Variants in ZDHHC20 observed in about 807,000 individuals in gnomAD.
ZDHHC20 encodes the protein palmitoyltransferase ZDHHC20.
A neutral mutation model predicts 57.8 loss-of-function variants in ZDHHC20; 43 were observed. The ratio of observed to expected loss-of-function variants is 0.74; its 90% CI spans 0.58 to 0.96. The LOEUF is 0.96. Among genes scored for constraint, ZDHHC20 ranks in the 40% least tolerant of loss-of-function variants. The probability of loss-of-function intolerance (pLI) is 0.00; values close to 1 mark genes in which losing one functional copy is unlikely to be tolerated. For missense variants in ZDHHC20, 391 were observed against 441.1 expected (o/e 0.89, Z 1.02); for synonymous variants, 157 against 153.0 (o/e 1.03, Z -0.19).
intron 3 of ZDHHC20, 65 bp from the exon 4 acceptor site, chr13:21,413,837 A>G (rs1879562040): frequency 1.4e-6 from 2 of 1,420,598 alleles, no homozygotes; most frequent in Non-Finnish European, 9.5e-7. Context: ...ATGCTCAGAA[A>G]AAGTTTTATC....
chr13:21,409,580 C>T (rs1016188493), intron 4 of ZDHHC20, among the ~76,000 whole-genome samples: 5 of 151,830 alleles, frequency 3.3e-5, no homozygotes, highest in African/African-American at 1.2e-4. Context: ...AGGCTCTGTT[C>T]GTTCCTTTTC....
intron 8 of ZDHHC20, among the ~76,000 whole-genome samples, chr13:21,389,749 C>G (rs1170471146): frequency 6.6e-6 from 1 of 152,146 alleles, no homozygotes; most frequent in Non-Finnish European, 1.5e-5. Context: ...CAGTCCACCA[C>G]TGCTTAGCTC....
At chr13:21,411,506 A>G (rs1331224243) in intron 4 of ZDHHC20, among the ~76,000 whole-genome samples, 1 of 152,226 alleles carries the variant, frequency 6.6e-6, no homozygotes, top group Non-Finnish European at 1.5e-5. Flanking sequence ...CATCTGTTGA[A>G]GGTTGTATGG....
intron 1 of ZDHHC20, among the ~76,000 whole-genome samples, chr13:21,439,536 A>G (rs1039189077): frequency 2.0e-5 from 3 of 152,088 alleles, no homozygotes; most frequent in African/African-American, 7.2e-5. Flanking sequence ...AAAACAAAAC[A>G]AAGTAAAACA....
chr13:21,434,852 T>C lies in ZDHHC20; in HGVS notation c.119-9174A>G, dbSNP rs1403065046. On this transcript the variant is annotated intron_variant, in intron 1 of 12. Coordinates refer to ENST00000400590, the MANE Select transcript of ZDHHC20 (RefSeq NM_001330059.2). ...AGTTATACAATCAGCCTTCTATTGA[T>C]GGGCATCTGTGTTGTCGCCAATCCT... Among the ~76,000 whole-genome samples the C allele has an allele frequency of 2.0e-5, 3 of 152,254 alleles. No individual in the cohort carries two copies. The East Asian group carries it at 5.8e-4, about 29-fold the overall frequency.
Position 21,375,099 on chromosome 13 carries a change from A to G in ZDHHC20, c.*1597T>C. 2.2e-6 allele frequency: 1 copy of G among 455,728 alleles called. No homozygotes were observed. Among genetic ancestry groups the G allele is most frequent in the South Asian group, 1.5e-5 (1 of 64,524 alleles). 28.2% of individuals were successfully genotyped at this position (455,728 alleles called of 1,614,324 possible). ...CAGCGAGCCAAGATCCCGCCACTGC[A>G]CTCCTGCCTGGGAGACAGAGCAAAA... On this transcript the variant is annotated 3_prime_UTR_variant, in exon 13 of 13. Coordinates refer to ENST00000400590, the MANE Select transcript of ZDHHC20 (RefSeq NM_001330059.2).
chr13:21,446,401 T>C (rs1883702831), intron 1 of ZDHHC20, among the ~76,000 whole-genome samples: 1 of 152,230 alleles, frequency 6.6e-6, no homozygotes, highest in Non-Finnish European at 1.5e-5. Flanking sequence ...GCAATTAGTT[T>C]TAAAAGCTTC....
Position 21,373,212 on chromosome 13 carries a change from T to G in ZDHHC20, c.*3484A>C, listed in dbSNP as rs954561868. 6.6e-6 allele frequency: 1 copy of G among 152,190 alleles called. No homozygotes were observed. Among genetic ancestry groups the G allele is most frequent in the Non-Finnish European group, 1.5e-5 (1 of 68,014 alleles). The allele number at this position is 152,190 out of a possible 1,614,324, so 9.4% of individuals were successfully genotyped here. On this transcript the variant is annotated 3_prime_UTR_variant, in exon 13 of 13. Coordinates refer to ENST00000400590, the MANE Select transcript of ZDHHC20 (RefSeq NM_001330059.2). Reference sequence around the variant, plus strand: ...CCCTAGAACAAAAGGTAAGCAAAACTTATTTGTAAGTTACTGCCTATTCAA... The same window carrying G: ...CCCTAGAACAAAAGGTAAGCAAAACGTATTTGTAAGTTACTGCCTATTCAA...
intron 11 of ZDHHC20, among the ~76,000 whole-genome samples, chr13:21,381,196 C>T (rs543020364): frequency 3.3e-5 from 5 of 152,006 alleles, no homozygotes; most frequent in South Asian, 2.1e-4. Flanking sequence ...GTAGTAGAGA[C>T]GGGGTTTCAC....
chr13:21,448,593 TG>T (rs1365637209), intron 1 of ZDHHC20, among the ~76,000 whole-genome samples: 3,054 of 48,982 alleles, frequency 0.062, 410 homozygotes, highest in African/African-American at 0.17. Flanking sequence ...GGGAGGGAGG[TG>T]GGGGGGTCAG....
intron 1 of ZDHHC20, among the ~76,000 whole-genome samples, chr13:21,429,348 A>G (rs1169543931): frequency 6.6e-6 from 1 of 152,192 alleles, no homozygotes; most frequent in East Asian, 1.9e-4. Context: ...TACAACTGTC[A>G]ACTTTCAACC....
intron 11 of ZDHHC20, among the ~76,000 whole-genome samples, chr13:21,380,366 G>A (rs1361787341): frequency 4.0e-5 from 6 of 151,632 alleles, no homozygotes; most frequent in Non-Finnish European, 1.5e-5. Flanking sequence ...CACCCACCTC[G>A]GCCTCCCAAA....
chr13:21,388,925 T>A (rs1005217487), intron 8 of ZDHHC20, among the ~76,000 whole-genome samples: 1 of 152,034 alleles, frequency 6.6e-6, no homozygotes, highest in African/African-American at 2.4e-5. Context: ...GGATCTAGAA[T>A]GGACATGGGT....
chr13:21,458,658 G>T lies in ZDHHC20; in HGVS notation c.118+396C>A, dbSNP rs558642371. 9.8e-5 allele frequency among the ~76,000 whole-genome samples: 15 copies of T among 152,290 alleles called. No homozygotes were observed. The South Asian group carries it at 2.5e-3, about 25-fold the overall frequency. On this transcript the variant is annotated intron_variant, in intron 1 of 12. Transcript: ENST00000400590. ...AAACAATCCAGAAGGAACAGATTTG[G>T]TTTTTTAAAAAAAATGAACAAAAGC... is the stretch of plus-strand genomic sequence containing the variant.
In ZDHHC20 at chr13:21,393,189, C is replaced by CT. The variant is rs544664779; in HGVS notation, c.595-1336dup. 3.1e-3 allele frequency among the ~76,000 whole-genome samples: 411 copies of CT among 131,530 alleles called. 2 individuals carry two copies. Among genetic ancestry groups the CT allele is most frequent in the East Asian group, 5.4e-3 (26 of 4,826 alleles). The allele number at this position is 131,530 out of a possible 152,430, so 86.3% of individuals were successfully genotyped here. On this transcript the variant is annotated intron_variant, in intron 7 of 12. Coordinates refer to ENST00000400590, the MANE Select transcript of ZDHHC20 (RefSeq NM_001330059.2). ...TTCAAGCACATTTCTTTTCTTTTTT[C>CT]TTTTTTTTTTTTTTTAAAGATACAA...
At chr13:21,436,187 G>A (rs1179872783) in intron 1 of ZDHHC20, among the ~76,000 whole-genome samples, 2 of 152,176 alleles carry the variant, frequency 1.3e-5, no homozygotes, top group African/African-American at 4.8e-5. Flanking sequence ...AAGAAAAACT[G>A]TACCTTTATA....
chr13:21,444,042 G>A (rs1883438338), intron 1 of ZDHHC20, among the ~76,000 whole-genome samples: 1 of 152,160 alleles, frequency 6.6e-6, no homozygotes, highest in African/African-American at 2.4e-5. Context: ...TATAGTCCCA[G>A]CTACTTGGGA....
chr13:21,407,962 T>C (rs1010742126), intron 4 of ZDHHC20, among the ~76,000 whole-genome samples: 4 of 152,212 alleles, frequency 2.6e-5, no homozygotes, highest in Non-Finnish European at 5.9e-5. Context: ...GCCTCTGTTT[T>C]GTTCCATTGG....
chr13:21,415,062 A>C lies in ZDHHC20; in HGVS notation c.250-1290T>G, dbSNP rs114300190. ...GTCTAGTTGCTAACTCAAATACCAAAATGTCTCCTCCTCTTGCTGCCCCAT... is the reference window on the plus strand; with the variant it reads ...GTCTAGTTGCTAACTCAAATACCAACATGTCTCCTCCTCTTGCTGCCCCAT... On this transcript the variant is annotated intron_variant, in intron 3 of 12. Coordinates refer to ENST00000400590, the MANE Select transcript of ZDHHC20 (RefSeq NM_001330059.2). 6.1e-3 allele frequency among the ~76,000 whole-genome samples: 929 copies of C among 152,276 alleles called. 9 individuals carry two copies. Among genetic ancestry groups the C allele is most frequent in the African/African-American group, 0.021 (882 of 41,562 alleles).
Sources: allele counts gnomAD v4.1 joint callset (sites outside exome capture counted in the v4.1 genomes callset), GRCh38; gene constraint gnomAD v4.1.1; transcripts MANE v1.5; gene names NCBI Gene and HGNC (gene_info 2026-07-23, HGNC 2026-07-21).